Variants in STARD9 observed in about 807,000 individuals in gnomAD.
STARD9 encodes the protein stAR-related lipid transfer protein 9.
STARD9 carries 346 observed loss-of-function variants against 399.8 expected under a neutral mutation model. The ratio of observed to expected loss-of-function variants is 0.87; its 90% CI spans 0.79 to 0.95. The LOEUF is 0.95. STARD9 is among the 40% of genes least tolerant of loss of function. The probability of loss-of-function intolerance (pLI) is 0.00; values close to 1 mark genes in which losing one functional copy is unlikely to be tolerated. For synonymous variants in STARD9, 2,203 were observed against 2,143.5 expected (o/e 1.03, Z -0.77); for missense variants, 5,832 against 5,667.5 (o/e 1.03, Z -0.93).
intron 3 of STARD9, among the ~76,000 whole-genome samples, chr15:42,589,298 C>G (rs1050972594): frequency 6.6e-6 from 1 of 152,116 alleles, no homozygotes; most frequent in African/African-American, 2.4e-5. Context: ...GTGATCCTCC[C>G]GCCTTGGCTT....
intron 26 of STARD9, among the ~76,000 whole-genome samples, chr15:42,698,212 A>G (rs1467462608): frequency 6.6e-6 from 1 of 152,220 alleles, no homozygotes; most frequent in Non-Finnish European, 1.5e-5. Context: ...AACTTTATTC[A>G]TGTATCATTT....
intron 29 of STARD9, 36 bp downstream of exon 29, chr15:42,717,831 C>T: frequency 6.5e-7 from 1 of 1,529,842 alleles, no homozygotes; most frequent in Non-Finnish European, 8.8e-7. Flanking sequence ...CAGTGTCTGT[C>T]TTGGTAAGCT....
At chr15:42,591,641 T>G (rs1162011720) in intron 3 of STARD9, among the ~76,000 whole-genome samples, 1 of 152,222 alleles carries the variant, frequency 6.6e-6, no homozygotes, top group African/African-American at 2.4e-5. Context: ...TTTTATTGCA[T>G]TGTATCATTC....
rs1037926764 is a variant in STARD9 at position 42,693,491 on chromosome 15, T to G, written c.11913T>G (p.Ser3971Arg). 3.9e-6 allele frequency: 6 copies of G among 1,536,608 alleles called. No individual in the cohort carries two copies. In the African/African-American group the frequency reaches 8.2e-5, roughly 21 times the overall value. The change falls in exon 23 of 33, where the codon AGT becomes AGG. Residue 3971 changes from serine (S) to arginine (R), a missense_variant. Around this residue, in one of 2 missense-constraint regions of STARD9, gnomAD observed 5,828 missense variants for 5,651.1 expected, o/e 1.03. Coordinates refer to ENST00000290607, the MANE Select transcript of STARD9 (RefSeq NM_020759.3). The stretch of plus-strand genomic sequence containing the variant: ...GAGGTAGAAGTTCCTTACAAAGGAG[T>G]AATGGGAGATCCTTCCTTGAGTTGC... ...SQRGRSSLQR[S>R]NGRSFLELHS...
At chr15:42,631,319 C>T (rs1031590593) in intron 3 of STARD9, among the ~76,000 whole-genome samples, 1 of 152,148 alleles carries the variant, frequency 6.6e-6, no homozygotes, top group African/African-American at 2.4e-5. Context: ...ATGGGGCTTA[C>T]ACCTGTAGTC....
chr15:42,662,232 A>G (rs997489608), intron 10 of STARD9, among the ~76,000 whole-genome samples: 7 of 152,236 alleles, frequency 4.6e-5, no homozygotes, highest in African/African-American at 1.4e-4. Context: ...AGAAAGAGGT[A>G]GTCTTGAGGG....
rs961002514 is a variant in STARD9 at position 42,689,448 on chromosome 15, G to A, written c.7870G>A (p.Glu2624Lys). Reference protein sequence around the residue: ...PGFHVASLSAEAGQIDLLPDE... With the variant: ...PGFHVASLSAKAGQIDLLPDE... Reference sequence around the variant, plus strand: ...ATTTCATGTGGCATCTCTATCTGCTGAAGCAGGGCAGATAGATCTGTTACC... The same window carrying A: ...ATTTCATGTGGCATCTCTATCTGCTAAAGCAGGGCAGATAGATCTGTTACC... Residue 2624 changes from glutamate (E) to lysine (K), a missense_variant, in exon 23 of 33, where the codon GAA (glutamate) becomes AAA (lysine). Physicochemically the swap from Glu to Lys is moderately conservative, Grantham distance 56 (BLOSUM62 1). This residue lies in a region of STARD9 where 5,828 missense variants were observed against 5,651.1 expected (regional missense o/e 1.03). Transcript: ENST00000290607. 8.5e-6 allele frequency: 13 copies of A among 1,537,148 alleles called. No individual in the cohort carries two copies. Among genetic ancestry groups the A allele is most frequent in the Non-Finnish European group, 1.1e-5 (13 of 1,146,816 alleles).
chr15:42,705,818 T>C (rs183475479), intron 26 of STARD9, among the ~76,000 whole-genome samples: 2 of 152,238 alleles, frequency 1.3e-5, no homozygotes, highest in East Asian at 3.9e-4. Context: ...AGGGGCGTGA[T>C]CTCAGCTTAC....
Position 42,696,024 on chromosome 15 carries a change from G to A in STARD9, c.13284+144G>A, listed in dbSNP as rs2060839930. 1.1e-5 allele frequency: 9 copies of A among 819,844 alleles called. No individual in the cohort carries two copies. The East Asian group carries it at 2.4e-4, about 22-fold the overall frequency. The allele number at this position is 819,844 out of a possible 1,614,324, so 50.8% of individuals were successfully genotyped here. On this transcript the variant is annotated intron_variant, in intron 26 of 32. Transcript: ENST00000290607. ...TGACATGAGCCCTTCTTATGTGCAG[G>A]CCTTTGGTTTTCCATTTAGTTCTGC...
In STARD9 at chr15:42,701,752, T is replaced by C. The variant is rs1471229566; in HGVS notation, c.13284+5872T>C. Among the ~76,000 whole-genome samples, 4 of 152,016 alleles carry C rather than the reference T, an allele frequency of 2.6e-5. 1 individual carries two copies. Among genetic ancestry groups the C allele is most frequent in the Non-Finnish European group, 4.4e-5 (3 of 68,012 alleles). On this transcript the variant is annotated intron_variant, in intron 26 of 32. Coordinates refer to ENST00000290607, the MANE Select transcript of STARD9 (RefSeq NM_020759.3). ...GCTCACGCCTGTAATCCCAGCACTT[T>C]GGGAGGCTGAGGCAGGCTGATCACA...
Position 42,662,779 on chromosome 15 carries a change from TTGAC to T in STARD9, c.771-12_771-9del. On this transcript the variant is annotated splice_polypyrimidine_tract_variant and intron_variant, in intron 10 of 32. Transcript: ENST00000290607. ...TATTTGCTTTTGTTTTTGTTTTTCA[TTGAC>T]TGTGTTTTAGCGAAAGAGCAGATCC... The T allele has an allele frequency of 1.3e-6, 2 of 1,528,138 alleles. No individual in the cohort carries two copies. The highest frequency in any genetic ancestry group is 1.8e-6 in the Non-Finnish European group (2 of 1,138,654). 94.7% of individuals were successfully genotyped at this position (1,528,138 alleles called of 1,614,324 possible).
intron 15 of STARD9, among the ~76,000 whole-genome samples, chr15:42,667,333 C>T (rs1023246290): frequency 4.6e-5 from 7 of 151,372 alleles, no homozygotes; most frequent in East Asian, 1.9e-4. Context: ...TACAGGCTCA[C>T]GCCACCACGC....
intron 26 of STARD9, among the ~76,000 whole-genome samples, chr15:42,707,451 G>T (rs1310147875): frequency 1.3e-5 from 2 of 150,726 alleles, no homozygotes; most frequent in Non-Finnish European, 1.5e-5. Context: ...CACCTAGGCA[G>T]AATACTGAGT....
chr15:42,624,698 G>A (rs1211035701), intron 3 of STARD9, among the ~76,000 whole-genome samples: 6 of 151,326 alleles, frequency 4.0e-5, no homozygotes, highest in African/African-American at 9.7e-5. Context: ...ACAGGCATGC[G>A]CCACCACGCC....
chr15:42,705,679 G>A (rs185458203), intron 26 of STARD9, among the ~76,000 whole-genome samples: 1 of 152,166 alleles, frequency 6.6e-6, no homozygotes, highest in East Asian at 1.9e-4. Flanking sequence ...GACCTCAGGT[G>A]ATTTGCCCAC....
At chr15:42,594,656 T>C (rs545560314) in intron 3 of STARD9, among the ~76,000 whole-genome samples, 2 of 152,342 alleles carry the variant, frequency 1.3e-5, no homozygotes, top group East Asian at 3.9e-4. Context: ...GTTTGTTTTC[T>C]TTTTGGCCAG....
chr15:42,583,306 T>TA (rs765715156), intron 1 of STARD9, 40 bp from the exon 2 acceptor site: 282 of 1,486,158 alleles, frequency 1.9e-4, no homozygotes, highest in Non-Finnish European at 2.3e-4. Flanking sequence ...TTCTTGATTT[T>TA]AAAAACAACA....
intron 9 of STARD9, among the ~76,000 whole-genome samples, chr15:42,654,656 A>T (rs1393408172): frequency 6.6e-6 from 1 of 152,210 alleles, no homozygotes; most frequent in East Asian, 1.9e-4. Flanking sequence ...CTGAGAATCA[A>T]ATCAAGAACT....
intron 3 of STARD9, among the ~76,000 whole-genome samples, chr15:42,629,281 AG>A (rs1327581186): frequency 3.9e-5 from 6 of 152,150 alleles, no homozygotes; most frequent in African/African-American, 1.4e-4. Flanking sequence ...AGCCTCCTAA[AG>A]TGCTGGGATT....
Sources: allele counts gnomAD v4.1 joint callset (sites outside exome capture counted in the v4.1 genomes callset), GRCh38; gene constraint gnomAD v4.1.1; regional missense constraint gnomAD v4.1.1; transcripts MANE v1.5; gene names NCBI Gene and HGNC (gene_info 2026-07-23, HGNC 2026-07-21).